Variants in SLC12A6 observed in about 807,000 individuals in gnomAD.
SLC12A6 encodes solute carrier family 12 member 6.
A neutral mutation model predicts 135.3 loss-of-function variants in SLC12A6; 66 were observed. The ratio of observed to expected loss-of-function variants is 0.49; its 90% CI spans 0.40 to 0.60. SLC12A6 has a LOEUF of 0.60. Among genes scored for constraint, SLC12A6 ranks in the 20% least tolerant of loss-of-function variants. The probability of loss-of-function intolerance (pLI) is 0.00; values close to 1 mark genes in which losing one functional copy is unlikely to be tolerated. For synonymous variants in SLC12A6, 513 were observed against 508.8 expected (o/e 1.01, Z -0.11); for missense variants, 1,058 against 1,452.3 (o/e 0.73, Z 4.41).
Position 34,250,936 on chromosome 15 carries a change from G to A in SLC12A6, c.1455C>T (p.Phe485=). 6.2e-7 allele frequency: 1 copy of A among 1,612,264 alleles called. No homozygotes were observed. Among genetic ancestry groups the A allele is most frequent in the Admixed American group, 1.7e-5 (1 of 60,010 alleles). The change falls in exon 11 of 26, where the codon TTC becomes TTT. Residue 485 remains phenylalanine (F), a synonymous_variant. Transcript: ENST00000354181. ...EYVLVDITTS[F]TLLVGIFFPS... is the part of the protein sequence containing the mutation. ...GAAAGAAGATTCCCACCAGAAGCGT[G>A]AAGGAGGTGGTGATGTCAACAAGAA...
chr15:34,264,392 A>T (rs1893355883), intron 3 of SLC12A6, among the ~76,000 whole-genome samples: 1 of 148,588 alleles, frequency 6.7e-6, no homozygotes, highest in Admixed American at 6.7e-5. Context: ...TCGAAATCTA[A>T]CTATCAGTTC....
intron 2 of SLC12A6, among the ~76,000 whole-genome samples, chr15:34,315,886 C>T (rs113087832): frequency 0.039 from 5,946 of 152,038 alleles, 218 homozygotes; most frequent in African/African-American, 0.098. Flanking sequence ...TTGCAGCGAG[C>T]AGAGATCACG....
rs1287647114 is a variant in SLC12A6 at position 34,235,116 on chromosome 15, T to C, written c.3361+65A>G. 6.4e-6 allele frequency: 9 copies of C among 1,403,458 alleles called. No homozygotes were observed. The East Asian group carries it at 1.8e-4, about 28-fold the overall frequency. The allele number at this position is 1,403,458 out of a possible 1,614,324, so 86.9% of individuals were successfully genotyped here. On this transcript the variant is annotated intron_variant, in intron 25 of 25. Coordinates refer to ENST00000354181, the MANE Select transcript of SLC12A6 (RefSeq NM_001365088.1). ...ATAGACAATGACTTTTATTGTTACC[T>C]AGTTATCTCAGAAAGAGGTTAAGGA...
chr15:34,263,050 A>G (rs917488213), intron 3 of SLC12A6, among the ~76,000 whole-genome samples: 4 of 151,956 alleles, frequency 2.6e-5, no homozygotes, highest in Admixed American at 6.6e-5. Context: ...GATTACCCAT[A>G]CCCCAATCCT....
At chr15:34,312,476 G>A (rs1321844369) in intron 2 of SLC12A6, among the ~76,000 whole-genome samples, 1 of 152,180 alleles carries the variant, frequency 6.6e-6, no homozygotes. Context: ...CAGTGTACCA[G>A]GGGAGAGAAT....
chr15:34,232,496 G>A lies in SLC12A6; in HGVS notation c.*1385C>T, dbSNP rs916024704. ...ACCTGCCTTGGCCTCCCAAAGTGCT[G>A]GGATTACAGGTGTGAGCCACGGCAC... On this transcript the variant is annotated 3_prime_UTR_variant, in exon 26 of 26. Coordinates refer to ENST00000354181, the MANE Select transcript of SLC12A6 (RefSeq NM_001365088.1). The A allele has an allele frequency of 6.6e-6, 1 of 152,210 alleles. No homozygotes were observed. Among genetic ancestry groups the A allele is most frequent in the Admixed American group, 6.6e-5 (1 of 15,254 alleles). 9.4% of individuals were successfully genotyped at this position (152,210 alleles called of 1,614,324 possible).
rs1481212812 is a variant in SLC12A6, at chr15:34,245,711, G to A, written c.1806C>T (p.Asn602=). 6.2e-7 allele frequency: 1 copy of A among 1,613,640 alleles called. No homozygotes were observed. The highest frequency in any genetic ancestry group is 8.5e-7 in the Non-Finnish European group (1 of 1,179,584). ...PRLLQAIAKD[N]IIPFLRVFGH... ...CACTCACCCTCAGAAACGGTATGAT[G>A]TTATCCTTGGCAATAGCTTGTAGCA... The change falls in exon 14 of 26, where the codon AAC becomes AAT. Residue 602 remains asparagine (N), a synonymous_variant. Transcript: ENST00000354181.
chr15:34,289,196 G>A (rs1236175700), intron 2 of SLC12A6, among the ~76,000 whole-genome samples: 1 of 152,152 alleles, frequency 6.6e-6, no homozygotes, highest in East Asian at 1.9e-4. Context: ...TACCATGAAA[G>A]GCTGTTGAAT....
intron 6 of SLC12A6, among the ~76,000 whole-genome samples, chr15:34,256,814 G>C (rs1189793298): frequency 1.3e-5 from 2 of 152,156 alleles, no homozygotes; most frequent in Non-Finnish European, 2.9e-5. Context: ...TCAGTGAGAG[G>C]TAAAAACTAT....
chr15:34,269,769 A>T (rs1893785820), intron 3 of SLC12A6, among the ~76,000 whole-genome samples: 1 of 151,972 alleles, frequency 6.6e-6, no homozygotes, highest in Non-Finnish European at 1.5e-5. Flanking sequence ...CTAAAAGCTT[A>T]ATCACATTCA....
intron 2 of SLC12A6, among the ~76,000 whole-genome samples, chr15:34,288,932 A>C (rs1895316568): frequency 6.6e-6 from 1 of 152,232 alleles, no homozygotes; most frequent in Non-Finnish European, 1.5e-5. Context: ...ATCTGCAAAC[A>C]GAGACAATTT....
intron 2 of SLC12A6, among the ~76,000 whole-genome samples, chr15:34,294,366 G>A (rs1336479386): frequency 3.3e-5 from 5 of 152,030 alleles, no homozygotes; most frequent in African/African-American, 1.2e-4. Context: ...CTGAGTAGGT[G>A]GGATCACAGG....
intron 24 of SLC12A6, 70 bp downstream of exon 24, chr15:34,235,945 T>G: frequency 8.4e-7 from 1 of 1,192,990 alleles, no homozygotes; most frequent in Non-Finnish European, 1.3e-6. Flanking sequence ...ATCCTGTGTG[T>G]CCAGGCAAAG....
At chr15:34,291,346 G>C (rs1235237419) in intron 2 of SLC12A6, among the ~76,000 whole-genome samples, 2 of 152,214 alleles carry the variant, frequency 1.3e-5, no homozygotes, top group East Asian at 3.8e-4. Flanking sequence ...TCTGCTGAGA[G>C]ATGCACTGTT....
intron 2 of SLC12A6, among the ~76,000 whole-genome samples, chr15:34,305,187 A>T (rs1249718968): frequency 6.6e-6 from 1 of 152,178 alleles, no homozygotes; most frequent in Admixed American, 6.5e-5. Context: ...CAAAAATTTT[A>T]CAAGGATATC....
rs561736527 is a variant in SLC12A6 at position 34,233,532 on chromosome 15, C to T, written c.*349G>A. On this transcript the variant is annotated 3_prime_UTR_variant, in exon 26 of 26. Transcript: ENST00000354181. ...TGAGATTCATCTTTAATGCTGAATA[C>T]GTACTTGACTTGCTTTTTTTCTTCA... is the stretch of plus-strand genomic sequence containing the variant. The T allele has an allele frequency of 5.0e-5, 14 of 280,134 alleles. No homozygotes were observed. The East Asian group carries it at 7.1e-4, about 14-fold the overall frequency. 17.4% of individuals were successfully genotyped at this position (280,134 alleles called of 1,614,324 possible). A position where few individuals can be genotyped will look rare whatever the true frequency, so the allele number is the denominator to read the frequency against.
chr15:34,236,953 T>C (rs1186213684), intron 22 of SLC12A6, 138 bp from the exon 23 acceptor site: 1 of 686,236 alleles, frequency 1.5e-6, no homozygotes. Context: ...TTACTTTGTT[T>C]AGTCATTGAG....
chr15:34,303,452 CT>C (rs1342993194), intron 2 of SLC12A6, among the ~76,000 whole-genome samples: 1 of 151,968 alleles, frequency 6.6e-6, no homozygotes, highest in African/African-American at 2.4e-5. Flanking sequence ...TTGAGACTGC[CT>C]TTTTTTCATT....
chr15:34,257,808 T>TAA lies in SLC12A6; in HGVS notation c.544-22_544-21dup. 6.4e-7 allele frequency: 1 copy of TAA among 1,562,926 alleles called. No individual in the cohort carries two copies. The highest frequency in any genetic ancestry group is 8.8e-7 in the Non-Finnish European group (1 of 1,134,572). On this transcript the variant is annotated intron_variant, in intron 5 of 25. Coordinates refer to ENST00000354181, the MANE Select transcript of SLC12A6 (RefSeq NM_001365088.1). Reference sequence around the variant, plus strand: ...GGGGGTCTAGAAAGAAAGACATTGATAAAAAATCACACAGTTATCCTAAAG... The same window carrying TAA: ...GGGGGTCTAGAAAGAAAGACATTGATAAAAAAAATCACACAGTTATCCTAAAG...
Sources: gnomAD v4.1 joint callset for allele counts (sites outside exome capture counted in the v4.1 genomes callset) on GRCh38, gnomAD v4.1.1 for gene constraint, MANE v1.5 for transcripts, NCBI Gene and HGNC (gene_info 2026-07-23, HGNC 2026-07-21) for gene names.